ZSCAN25: variants seen among roughly 807,000 people sequenced by gnomAD.
The protein encoded by ZSCAN25 is zinc finger and SCAN domain containing 25, also known as zinc finger and SCAN domain-containing protein 25.
ZSCAN25 carries 27 observed loss-of-function variants against 38.7 expected under a neutral mutation model. The observed-to-expected ratio is 0.70, with a 90% CI of 0.51 to 0.96. The LOEUF is 0.96. Ranked by LOEUF, ZSCAN25 falls within the 40% of genes least tolerant of loss-of-function variation. ZSCAN25 has a pLI of 0.00. For missense variants in ZSCAN25, 637 were observed against 705.9 expected (o/e 0.90, Z 1.11); for synonymous variants, 273 against 277.7 (o/e 0.98, Z 0.17).
At chr7:99,656,210 G>A in the ZSCAN25 span, among the ~76,000 whole-genome samples, 2 of 152,206 alleles carry the variant, frequency 1.3e-5, no homozygotes, top group African/African-American at 2.4e-5. Flanking sequence ...GATATTGGCT[G>A]TGGGTTTGTC....
chr7:99,690,467 G>A, the ZSCAN25 span, among the ~76,000 whole-genome samples: 1 of 152,160 alleles, frequency 6.6e-6, no homozygotes, highest in African/African-American at 2.4e-5. Context: ...AAACTAAAGA[G>A]CTTCTGCACA....
the ZSCAN25 span, among the ~76,000 whole-genome samples, chr7:99,691,653 CTTCT>C: frequency 1.3e-5 from 2 of 152,142 alleles, no homozygotes; most frequent in East Asian, 1.9e-4. Context: ...ATGTAGTGGC[CTTCT>C]TTGTCTTTTT....
chr7:99,635,765 G>C (rs936767462), downstream of ZSCAN25, among the ~76,000 whole-genome samples: 1 of 152,108 alleles, frequency 6.6e-6, no homozygotes, highest in Middle Eastern at 3.2e-3. Context: ...GATATAACAT[G>C]GGCTGGGCGC....
chr7:99,678,335 G>A, the ZSCAN25 span, among the ~76,000 whole-genome samples: 1 of 152,154 alleles, frequency 6.6e-6, no homozygotes, highest in Non-Finnish European at 1.5e-5. Context: ...TGAGAGCTGA[G>A]GAATATTTTC....
At chr7:99,698,970 T>C in the ZSCAN25 span, among the ~76,000 whole-genome samples, 1 of 152,212 alleles carries the variant, frequency 6.6e-6, no homozygotes, top group South Asian at 2.1e-4. Context: ...CTCTTAAAAG[T>C]CAAATTGAGG....
chr7:99,647,825 T>C, the ZSCAN25 span: 9 of 985,416 alleles, frequency 9.1e-6, no homozygotes, highest in Non-Finnish European at 1.1e-5. Flanking sequence ...TTCTCTTTAG[T>C]GTGCAGGATG....
At chr7:99,661,799 T>C in the ZSCAN25 span, among the ~76,000 whole-genome samples, 22 of 152,238 alleles carry the variant, frequency 1.4e-4, no homozygotes, top group Non-Finnish European at 2.8e-4. Context: ...TTATACTGAG[T>C]TGAAATTGAA....
chr7:99,734,097 A>T, the ZSCAN25 span, among the ~76,000 whole-genome samples: 2 of 152,236 alleles, frequency 1.3e-5, no homozygotes, highest in East Asian at 3.8e-4. Context: ...TTTAAAAAGG[A>T]TGAATTTAAG....
the ZSCAN25 span, chr7:99,662,764 C>A: frequency 4.6e-6 from 7 of 1,524,532 alleles, no homozygotes; most frequent in South Asian, 1.1e-5. This position sits in a 1 kb window ranked among gnomAD's most constrained non-coding sequence, Gnocchi z 4.3. Flanking sequence ...CAGAACAAGG[C>A]CCTCCCTCTT....
At chr7:99,647,393 A>G in the ZSCAN25 span, 1 of 719,732 alleles carries the variant, frequency 1.4e-6, no homozygotes, top group Non-Finnish European at 1.7e-6. Context: ...GGGAAAATGA[A>G]AGAATAAAAA....
At chr7:99,628,076 GC>G (rs1355084842) in intron 7 of ZSCAN25, among the ~76,000 whole-genome samples, 1 of 151,856 alleles carries the variant, frequency 6.6e-6, no homozygotes, top group African/African-American at 2.4e-5. Flanking sequence ...ACATAGTGAG[GC>G]CCCCATCTCC....
At chr7:99,714,450 T>TA in the ZSCAN25 span, 1 of 1,538,140 alleles carries the variant, frequency 6.5e-7, no homozygotes, top group South Asian at 1.2e-5. Context: ...CTCTTTATGT[T>TA]AAAATCTTTC....
chr7:99,622,869 C>G (rs762893685), intron 6 of ZSCAN25, among the ~76,000 whole-genome samples: 1 of 152,212 alleles, frequency 6.6e-6, no homozygotes, highest in African/African-American at 2.4e-5. Flanking sequence ...TGCAGTGGCA[C>G]GGTCTTGGCT....
the ZSCAN25 span, among the ~76,000 whole-genome samples, chr7:99,679,356 C>T: frequency 2.6e-5 from 4 of 152,026 alleles, no homozygotes; most frequent in African/African-American, 9.7e-5. Flanking sequence ...GGAACCAGGT[C>T]TACAGGGGCA....
At chr7:99,689,027 G>C in the ZSCAN25 span, among the ~76,000 whole-genome samples, 1 of 152,156 alleles carries the variant, frequency 6.6e-6, no homozygotes, top group Non-Finnish European at 1.5e-5. Context: ...AGTATGTAGA[G>C]GGAAATTTAT....
chr7:99,679,754 A>T, the ZSCAN25 span: 1 of 1,435,366 alleles, frequency 7.0e-7, no homozygotes, highest in Non-Finnish European at 9.8e-7. Flanking sequence ...TTCAAAACAG[A>T]TAAGGGAAAA....
At chr7:99,696,541 G>A in the ZSCAN25 span, among the ~76,000 whole-genome samples, 1 of 152,134 alleles carries the variant, frequency 6.6e-6, no homozygotes, top group Non-Finnish European at 1.5e-5. Context: ...AGTCTCTGTG[G>A]CCAGATGATC....
At chr7:99,627,680 T>TGTATATGCTGTATACGTATATCTC (rs1442139419) in intron 7 of ZSCAN25, among the ~76,000 whole-genome samples, 2 of 151,656 alleles carry the variant, frequency 1.3e-5, no homozygotes, top group South Asian at 2.1e-4. Context: ...ACGTATATCA[T>TGTATATGCTGTATACGTATATCTC]GTATATGCTG....
the ZSCAN25 span, chr7:99,660,235 TTTTTTTTTTTA>T: frequency 1.0e-6 from 1 of 970,692 alleles, no homozygotes; most frequent in Non-Finnish European, 1.2e-6. Context: ...TTTTTTTTTT[TTTTTTTTTTTA>T]CTTAGCATTA....
Sources: allele counts gnomAD v4.1 joint callset (sites outside exome capture counted in the v4.1 genomes callset), GRCh38; gene constraint gnomAD v4.1.1; non-coding constraint Gnocchi (gnomAD v3.1); transcripts MANE v1.5; gene names NCBI Gene and HGNC (gene_info 2026-07-23, HGNC 2026-07-21).